Variants in RAB9B observed in about 807,000 individuals in gnomAD.
RAB9B encodes the protein ras-related protein Rab-9B.
A neutral mutation model predicts 8.9 loss-of-function variants in RAB9B; 1 was observed. That is an observed-to-expected ratio of 0.11 (90% confidence interval 0.04 to 0.53). The LOEUF (loss-of-function observed/expected upper bound fraction) is 0.53. RAB9B is among the 20% of genes least tolerant of loss of function. The pLI is 0.93. For synonymous variants in RAB9B, 63 were observed against 57.0 expected (o/e 1.10, Z -0.47); for missense variants, 82 against 152.9 (o/e 0.54, Z 2.45).
At chrX:103,782,879 G>T in the RAB9B span, among the ~76,000 whole-genome samples, 30 of 112,210 alleles carry the variant, frequency 2.7e-4, no homozygotes, top group Admixed American at 2.4e-3. Context: ...TTGTCCGGGG[G>T]AGCTATGGAG....
the RAB9B span, among the ~76,000 whole-genome samples, chrX:103,814,586 T>C: frequency 9.1e-6 from 1 of 109,969 alleles, no homozygotes; most frequent in Non-Finnish European, 1.9e-5. Flanking sequence ...GTAACTAAGA[T>C]CAGATCAGAA....
the RAB9B span, among the ~76,000 whole-genome samples, chrX:103,816,069 G>C: frequency 4.5e-4 from 50 of 111,422 alleles, no homozygotes; most frequent in Non-Finnish European, 8.3e-4. Flanking sequence ...TCACAGAGTT[G>C]GAAAAAACTA....
chrX:103,804,455 C>A, the RAB9B span, among the ~76,000 whole-genome samples: 1 of 111,747 alleles, frequency 8.9e-6, no homozygotes, highest in African/African-American at 3.3e-5. Context: ...TATTCTTTTC[C>A]GAGTTTGTAT....
the RAB9B span, among the ~76,000 whole-genome samples, chrX:103,777,706 A>T: frequency 8.9e-6 from 1 of 111,891 alleles, no homozygotes; most frequent in South Asian, 3.8e-4. Flanking sequence ...GGCTCTTGCT[A>T]AGTTGGCTGA....
At chrX:103,793,542 T>G in the RAB9B span, among the ~76,000 whole-genome samples, 1 of 112,239 alleles carries the variant, frequency 8.9e-6, no homozygotes. Flanking sequence ...GACAGGGACT[T>G]ATTTTAAGAC....
the RAB9B span, chrX:103,786,792 C>T: frequency 1.0e-4 from 113 of 1,110,566 alleles, no homozygotes; most frequent in Middle Eastern, 1.3e-3. Flanking sequence ...GAGTCTGTGG[C>T]CTCGTCCCCA....
At chrX:103,780,707 G>T in the RAB9B span, 1 of 112,195 alleles carries the variant, frequency 8.9e-6, no homozygotes, top group Non-Finnish European at 1.9e-5. Context: ...GGAAAGACAA[G>T]ATTATAGGCA....
chrX:103,828,450 T>A (rs1354604887), intron 1 of RAB9B, among the ~76,000 whole-genome samples: 2 of 112,176 alleles, frequency 1.8e-5, no homozygotes, highest in Non-Finnish European at 3.8e-5. Context: ...CACTTTTTTA[T>A]TTTTTTATAC....
chrX:103,816,099 C>T, the RAB9B span, among the ~76,000 whole-genome samples: 4 of 111,524 alleles, frequency 3.6e-5, no homozygotes, highest in African/African-American at 9.8e-5. Flanking sequence ...TCATATGGAA[C>T]CAAAAAAGAG....
At chrX:103,810,017 T>C in the RAB9B span, among the ~76,000 whole-genome samples, 13 of 111,315 alleles carry the variant, frequency 1.2e-4, no homozygotes, top group Non-Finnish European at 2.3e-4. Flanking sequence ...GGCCTCAACT[T>C]TGTGGCGCTT....
rs2074676141 is a variant in RAB9B, at chrX:103,824,657, T to TA, written c.*521dup. 2 of 112,483 alleles carry TA rather than the reference T, an allele frequency of 1.8e-5. No homozygotes were observed. The highest frequency in any genetic ancestry group is 3.7e-5 in the Non-Finnish European group (2 of 53,581). 9.3% of individuals were successfully genotyped at this position (112,483 alleles called of 1,213,427 possible). ...GTATATCATTATACTTTTGCACTCC[T>TA]AATCATTACAACTTCTTTAATTCAA... On this transcript the variant is annotated 3_prime_UTR_variant, in exon 3 of 3. Transcript: ENST00000243298.
At chrX:103,786,257 CAT>C in the RAB9B span, 1 of 1,123,370 alleles carries the variant, frequency 8.9e-7, no homozygotes. Context: ...GCGGGAGGGG[CAT>C]ATGTTTCTGG....
In RAB9B at chrX:103,825,319, T is replaced by C; in HGVS notation, c.466A>G (p.Lys156Glu). Residue 156 changes from lysine to glutamate, a missense_variant, in exon 3 of 3, where the codon AAA becomes GAA. Physicochemically the swap from Lys to Glu is moderately conservative, Grantham distance 56 (BLOSUM62 1). Transcript: ENST00000243298. ...GCCACTGTCACATTAGTATCATCTT[T>C]GGCACTAGTTTCTAAATAAGGGTAA... ...GDYPYLETSA[K>E]DDTNVTVAFE... 1 of 1,211,778 alleles carries C rather than the reference T, an allele frequency of 8.3e-7. No individual in the cohort carries two copies. The highest frequency in any genetic ancestry group is 1.1e-6 in the Non-Finnish European group (1 of 895,558).
the RAB9B span, chrX:103,776,687 A>G: frequency 1.7e-5 from 5 of 301,496 alleles, no homozygotes; most frequent in African/African-American, 2.7e-5. Context: ...AGAAAATGAA[A>G]CAATTGGCAG....
chrX:103,812,013 G>A, the RAB9B span, among the ~76,000 whole-genome samples: 3 of 108,408 alleles, frequency 2.8e-5, no homozygotes, highest in African/African-American at 1.0e-4. Context: ...GAAAGCGGGG[G>A]CAAGGAGTTT....
chrX:103,829,260 G>A (rs2074694539), intron 1 of RAB9B, among the ~76,000 whole-genome samples: 1 of 111,372 alleles, frequency 9.0e-6, no homozygotes, highest in Non-Finnish European at 1.9e-5. Context: ...ATCTGCATAT[G>A]GCACAGAATC....
the RAB9B span, among the ~76,000 whole-genome samples, chrX:103,814,229 C>T: frequency 1.8e-5 from 2 of 111,933 alleles, no homozygotes; most frequent in African/African-American, 3.2e-5. Context: ...GAAATTACAA[C>T]AAACTGTCTC....
At chrX:103,802,536 C>T in the RAB9B span, among the ~76,000 whole-genome samples, 1 of 111,438 alleles carries the variant, frequency 9.0e-6, no homozygotes, top group Non-Finnish European at 1.9e-5. Flanking sequence ...CTTGATGTAG[C>T]CTTTGCTTTA....
chrX:103,813,589 G>A, the RAB9B span, among the ~76,000 whole-genome samples: 13 of 107,869 alleles, frequency 1.2e-4, no homozygotes, highest in African/African-American at 4.4e-4. Context: ...AAATGTAAAT[G>A]GGCTAAATGC....
Sources: gnomAD v4.1 joint callset for allele counts (sites outside exome capture counted in the v4.1 genomes callset) on GRCh38, gnomAD v4.1.1 for gene constraint, MANE v1.5 for transcripts, NCBI Gene and HGNC (gene_info 2026-07-23, HGNC 2026-07-21) for gene names.